The following PRKN variants were observed in gnomAD, a reference collection of about 807,000 sequenced individuals.
PRKN encodes the protein E3 ubiquitin-protein ligase parkin.
Under a neutral mutation model 59.5 loss-of-function variants are expected in PRKN, and 56 were observed. That is an observed-to-expected ratio of 0.94 (90% CI 0.76 to 1.18). The LOEUF (loss-of-function observed/expected upper bound fraction) is 1.18. Ranked by LOEUF, PRKN falls within the 50% of genes most tolerant of loss-of-function variation. The pLI is 0.00. For missense variants in PRKN, 657 were observed against 596.4 expected, an observed-to-expected ratio of 1.10 and a Z score of -1.06; for synonymous variants, 250 against 222.1, an observed-to-expected ratio of 1.13 and a Z score of -1.12.
Position 161,939,829 on chromosome 6 carries a change from T to C in PRKN, c.734+33473A>G, listed in dbSNP as rs185095109. Among the ~76,000 whole-genome samples, 53 of 152,302 alleles carry C rather than the reference T, an allele frequency of 3.5e-4. 1 individual carries two copies. In the East Asian group the frequency reaches 8.5e-3, roughly 24 times the overall value. On this transcript the variant is annotated intron_variant, in intron 6 of 11. Transcript: ENST00000366898. ...TTATATTTTAGATAAAATTACTAAG[T>C]AATTTTTTTATTTTAAAAAATTAAT...
At chr6:161,608,922 G>A (rs543930952) in intron 7 of PRKN, among the ~76,000 whole-genome samples, 158 of 152,254 alleles carry the variant, frequency 1.0e-3, no homozygotes, top group Admixed American at 2.3e-3. Context: ...CTGCAGCTTA[G>A]GTTGTCATCC....
In PRKN at chr6:161,396,522, C is replaced by T. The variant is rs1452492763; in HGVS notation, c.1084-9645G>A. Among the ~76,000 whole-genome samples, 1 of 152,116 alleles carries T rather than the reference C, an allele frequency of 6.6e-6. No individual in the cohort carries two copies. Among genetic ancestry groups the T allele is most frequent in the Non-Finnish European group, 1.5e-5 (1 of 68,034 alleles). On this transcript the variant is annotated intron_variant, in intron 9 of 11. Transcript: ENST00000366898. The surrounding 1 kb of genome is among the most constrained non-coding windows in gnomAD (Gnocchi z 5.4). ...CAAACATCGCCATTCATTAGTGGGC[C>T]CATTCAAATATTGCCATTAATTAGT...
chr6:161,477,894 T>C (rs574262391), intron 9 of PRKN, among the ~76,000 whole-genome samples: 3 of 152,284 alleles, frequency 2.0e-5, no homozygotes, highest in South Asian at 2.1e-4. Flanking sequence ...AGGGACAAGA[T>C]GGCGACCAGT....
chr6:161,769,217 G>A (rs914676561), intron 7 of PRKN, among the ~76,000 whole-genome samples: 9 of 152,140 alleles, frequency 5.9e-5, no homozygotes, highest in South Asian at 2.1e-4. Context: ...CAGGTTTCCC[G>A]TGTGAGTCAC....
intron 4 of PRKN, among the ~76,000 whole-genome samples, chr6:162,185,783 A>G (rs1197999190): frequency 6.6e-6 from 1 of 152,200 alleles, no homozygotes; most frequent in African/African-American, 2.4e-5. Context: ...TTCAAAACAT[A>G]AATCAAAGAA....
chr6:161,581,722 G>A lies in PRKN; in HGVS notation c.872-12306C>T, dbSNP rs557866322. Reference sequence around the variant, plus strand: ...AACATCAGCAATTGGTGTTGACTCAGAAGGCTGAGATTCTGTTTGAGGACT... The same window carrying A: ...AACATCAGCAATTGGTGTTGACTCAAAAGGCTGAGATTCTGTTTGAGGACT... On this transcript the variant is annotated intron_variant, in intron 7 of 11. Transcript: ENST00000366898. The surrounding 1 kb of genome is among the most constrained non-coding windows in gnomAD (Gnocchi z 4.5). 2.0e-5 allele frequency among the ~76,000 whole-genome samples: 3 copies of A among 152,346 alleles called. No individual in the cohort carries two copies. In the South Asian group the frequency reaches 6.2e-4, roughly 32 times the overall value.
At chr6:161,606,851 A>G (rs1272519812) in intron 7 of PRKN, among the ~76,000 whole-genome samples, 1 of 152,206 alleles carries the variant, frequency 6.6e-6, no homozygotes, top group African/African-American at 2.4e-5. Context: ...CCCCCAGCCT[A>G]TGAAGCTGGC....
At chr6:162,133,492 T>C (rs1484206050) in intron 4 of PRKN, among the ~76,000 whole-genome samples, 6 of 152,088 alleles carry the variant, frequency 3.9e-5, no homozygotes, top group African/African-American at 1.4e-4. Flanking sequence ...ACATGTAATA[T>C]TTGAGATGCT....
chr6:162,546,459 ACT>A (rs1230113626), intron 1 of PRKN, among the ~76,000 whole-genome samples: 9 of 142,054 alleles, frequency 6.3e-5, no homozygotes, highest in Admixed American at 5.7e-4. Context: ...TTTGAAACAA[ACT>A]CTTTTTTTTT....
chr6:162,031,076 G>C (rs957615649), intron 5 of PRKN, among the ~76,000 whole-genome samples: 2 of 152,142 alleles, frequency 1.3e-5, no homozygotes, highest in African/African-American at 4.8e-5. Context: ...GTAACACTTT[G>C]ATGTTGGCCA....
intron 1 of PRKN, among the ~76,000 whole-genome samples, chr6:162,583,140 C>T (rs901900873): frequency 1.3e-5 from 2 of 152,182 alleles, no homozygotes; most frequent in Admixed American, 1.3e-4. Context: ...ATACAAGGTG[C>T]CACCTTGGAA....
rs188198070 is a variant in PRKN, at chr6:162,141,538, C to T, written c.534+59593G>A. ...TTCAAATTAACCATTTAAATTTCAA[C>T]ATATTTTGCTTTATTGATTATGTAT... is the stretch of plus-strand genomic sequence containing the variant. On this transcript the variant is annotated intron_variant, in intron 4 of 11. Transcript: ENST00000366898. 1.8e-3 allele frequency among the ~76,000 whole-genome samples: 279 copies of T among 152,250 alleles called. 4 individuals carry two copies. Among genetic ancestry groups the T allele is most frequent in the African/African-American group, 6.4e-3 (264 of 41,556 alleles).
At chr6:162,420,589 A>T (rs2128159240) in intron 2 of PRKN, among the ~76,000 whole-genome samples, 1 of 152,264 alleles carries the variant, frequency 6.6e-6, no homozygotes, top group Non-Finnish European at 1.5e-5. Flanking sequence ...CCTTTCTAGG[A>T]GATTCGGATA....
rs569893028 is a variant in PRKN, at chr6:161,357,830, G to A, written c.1285+2258C>T. 1.1e-3 allele frequency among the ~76,000 whole-genome samples: 172 copies of A among 152,326 alleles called. No homozygotes were observed. The highest frequency in any genetic ancestry group is 0.01 in the Middle Eastern group (3 of 294). On this transcript the variant is annotated intron_variant, in intron 11 of 11. Transcript: ENST00000366898. The surrounding 1 kb of genome is among the most constrained non-coding windows in gnomAD (Gnocchi z 5.5). ...CCTTCATCCACACGAATCAGAGCAC[G>A]TCTCACGGAGCGTGTTTGATGCACC...
chr6:162,023,483 A>G (rs951542342), intron 5 of PRKN, among the ~76,000 whole-genome samples: 1 of 151,556 alleles, frequency 6.6e-6, no homozygotes, highest in African/African-American at 2.4e-5. Context: ...CTCTCCTCCG[A>G]CCGCCCCAGC....
intron 3 of PRKN, among the ~76,000 whole-genome samples, chr6:162,205,726 A>T (rs537391433): frequency 2.0e-5 from 3 of 151,482 alleles, no homozygotes; most frequent in Admixed American, 1.3e-4. Context: ...GCACTATCTC[A>T]TATTAATATA....
chr6:162,247,246 T>C (rs1303273446), intron 3 of PRKN, among the ~76,000 whole-genome samples: 1 of 152,154 alleles, frequency 6.6e-6, no homozygotes, highest in African/African-American at 2.4e-5. Context: ...GAGACTTAAA[T>C]AGAAGAAACA....
intron 7 of PRKN, among the ~76,000 whole-genome samples, chr6:161,757,666 C>T (rs1333194605): frequency 2.0e-5 from 3 of 151,852 alleles, no homozygotes; most frequent in East Asian, 3.9e-4. Context: ...GGCAAAATCC[C>T]ATCTCTACTA....
At chr6:162,693,785 C>G (rs1385427264) in intron 1 of PRKN, among the ~76,000 whole-genome samples, 1 of 152,092 alleles carries the variant, frequency 6.6e-6, no homozygotes, top group Non-Finnish European at 1.5e-5. Flanking sequence ...TACATAGTGA[C>G]TAAAATAATC....
Sources: allele counts gnomAD v4.1 joint callset (sites outside exome capture counted in the v4.1 genomes callset), GRCh38; gene constraint gnomAD v4.1.1; non-coding constraint Gnocchi (gnomAD v3.1); transcripts MANE v1.5; gene names NCBI Gene and HGNC (gene_info 2026-07-23, HGNC 2026-07-21).